Variants in SNAPC3 observed in about 807,000 individuals in gnomAD.
SNAPC3 encodes snRNA-activating protein complex subunit 3.
Under a neutral mutation model 47.7 loss-of-function variants are expected in SNAPC3, and 56 were observed. The observed-to-expected ratio is 1.18, with a 90% confidence interval of 0.95 to 1.47. The LOEUF (loss-of-function observed/expected upper bound fraction) is 1.47. Among genes scored for constraint, SNAPC3 ranks in the 40% most tolerant of loss-of-function variants. The pLI is 0.00. For missense variants in SNAPC3, 665 were observed against 511.3 expected (o/e 1.30, Z -2.90); for synonymous variants, 235 against 189.9 (o/e 1.24, Z -1.95).
At chr9:15,445,919 A>G (rs992849846) in intron 4 of SNAPC3, among the ~76,000 whole-genome samples, 2 of 152,140 alleles carry the variant, frequency 1.3e-5, no homozygotes, top group Non-Finnish European at 2.9e-5. Flanking sequence ...CTAGGTGACA[A>G]AATGAGACTG....
intron 3 of SNAPC3, among the ~76,000 whole-genome samples, chr9:15,434,190 A>G (rs1490831651): frequency 6.6e-6 from 1 of 152,190 alleles, no homozygotes; most frequent in Non-Finnish European, 1.5e-5. Context: ...AAAGTGTTCA[A>G]TTAAGTGGCA....
chr9:15,446,471 T>C (rs1443193239), intron 4 of SNAPC3, among the ~76,000 whole-genome samples: 1 of 152,096 alleles, frequency 6.6e-6, no homozygotes, highest in Non-Finnish European at 1.5e-5. Context: ...CCTCCCAAAG[T>C]GTTGGGATTA....
At chr9:15,429,831 T>C (rs1261514449) in intron 2 of SNAPC3, among the ~76,000 whole-genome samples, 2 of 152,044 alleles carry the variant, frequency 1.3e-5, no homozygotes, top group Non-Finnish European at 2.9e-5. Context: ...AAAACAAAAA[T>C]CTTGGGATGA....
At chr9:15,437,222 T>C (rs927137495) in intron 3 of SNAPC3, among the ~76,000 whole-genome samples, 1 of 152,082 alleles carries the variant, frequency 6.6e-6, no homozygotes, top group Non-Finnish European at 1.5e-5. Flanking sequence ...CTATTGTAAG[T>C]GAAATTGTTT....
intron 3 of SNAPC3, among the ~76,000 whole-genome samples, chr9:15,439,028 G>A (rs940004388): frequency 1.3e-5 from 2 of 152,036 alleles, no homozygotes; most frequent in African/African-American, 4.8e-5. Flanking sequence ...TATGTTTTTT[G>A]AGATAGGGTC....
chr9:15,456,053 T>C (rs1420803463), intron 7 of SNAPC3, among the ~76,000 whole-genome samples: 1 of 152,188 alleles, frequency 6.6e-6, no homozygotes, highest in Non-Finnish European at 1.5e-5. Context: ...TTTGTATTTT[T>C]AGTAGAGACA....
intron 5 of SNAPC3, among the ~76,000 whole-genome samples, chr9:15,450,784 C>T (rs2034327609): frequency 6.6e-6 from 1 of 152,164 alleles, no homozygotes; most frequent in Non-Finnish European, 1.5e-5. Context: ...AGAGCCACTC[C>T]TTTGACGGAC....
chr9:15,451,970 TA>T (rs55822827), intron 6 of SNAPC3, among the ~76,000 whole-genome samples: 122,020 of 150,194 alleles, frequency 0.81, 50,621 homozygotes, highest in Non-Finnish European at 0.91. Flanking sequence ...TTGCCCTTTT[TA>T]AAAAAAAAAA....
chr9:15,453,202 T>TA lies in SNAPC3; in HGVS notation c.979dup (p.Arg327LysfsTer6). The TA allele has an allele frequency of 6.2e-7, 1 of 1,609,810 alleles. No homozygotes were observed. Among genetic ancestry groups the TA allele is most frequent in the East Asian group, 2.2e-5 (1 of 44,758 alleles). ...GAACATGTCATTGTCATTACTGACA[T>TA]AAGGTAGGTGACAGCACTTAAGACA... On this transcript the variant is annotated frameshift_variant, in exon 7 of 9. Coordinates refer to ENST00000380821, the MANE Select transcript of SNAPC3 (RefSeq NM_001039697.2). LOFTEE classifies it high-confidence loss of function.
At chr9:15,428,978 A>G (rs1172731232) in intron 2 of SNAPC3, among the ~76,000 whole-genome samples, 2 of 152,184 alleles carry the variant, frequency 1.3e-5, no homozygotes, top group Non-Finnish European at 2.9e-5. Context: ...TTGAAAAAAA[A>G]ACTAAATCTA....
rs1270328014 is a variant in SNAPC3 at position 15,423,897 on chromosome 9, T to A, written c.315-12T>A. ...GTCGACCTTAAAGTATTGCTTTTCC[T>A]TTTTGTTTTAGCCTTGATAAACTGA... On this transcript the variant is annotated splice_polypyrimidine_tract_variant and intron_variant, in intron 1 of 8. Transcript: ENST00000380821. 1 of 1,533,316 alleles carries A rather than the reference T, an allele frequency of 6.5e-7. No individual in the cohort carries two copies. The highest frequency in any genetic ancestry group is 2.4e-5 in the East Asian group (1 of 40,834). The allele number at this position is 1,533,316 out of a possible 1,614,324, so 95.0% of individuals were successfully genotyped here. A position where few individuals can be genotyped will look rare whatever the true frequency, so the allele number is the denominator to read the frequency against.
At position 15,423,043 on chromosome 9, in the gene SNAPC3, T is replaced by A; in HGVS notation, c.164T>A (p.Leu55Gln). Residue 55 changes from leucine to glutamine, a missense_variant, in exon 1 of 9, where the codon CTG (leucine) becomes CAG (glutamine). Leu to Gln is a moderately radical substitution (Grantham distance 113, BLOSUM62 -2). Coordinates refer to ENST00000380821, the MANE Select transcript of SNAPC3 (RefSeq NM_001039697.2). The stretch of plus-strand genomic sequence containing the variant: ...TTTGGGGAGCTGTGGCGGGGCCGTC[T>A]GCGCGGGGCCGGGGACTTGTCGCTG... ...GAFGELWRGR[L>Q]RGAGDLSLRE... 6.6e-7 allele frequency: 1 copy of A among 1,517,716 alleles called. No homozygotes were observed. The highest frequency in any genetic ancestry group is 8.8e-7 in the Non-Finnish European group (1 of 1,139,332). The allele number at this position is 1,517,716 out of a possible 1,614,324, so 94.0% of individuals were successfully genotyped here.
chr9:15,453,140 G>A lies in SNAPC3; in HGVS notation c.915G>A (p.Leu305=), dbSNP rs34346482. The change falls in exon 7 of 9, where the codon CTG becomes CTA. Residue 305 remains leucine, a synonymous_variant. Transcript: ENST00000380821. ...DFTFNDLCIK[L]GFPYLYCHQG... ...CCTTCAATGACTTGTGTATTAAACT[G>A]GGTTTTCCTTACTTATACTGTCATC... 12,894 of 1,613,124 alleles carry A rather than the reference G, an allele frequency of 8.0e-3. 914 individuals are homozygous for A. In the African/African-American group the frequency reaches 0.15, roughly 19 times the overall value.
At chr9:15,434,836 G>A (rs1419034641) in intron 3 of SNAPC3, among the ~76,000 whole-genome samples, 8 of 152,070 alleles carry the variant, frequency 5.3e-5, no homozygotes, top group East Asian at 1.9e-4. Flanking sequence ...CTATTTATCC[G>A]TTGATAGACA....
At chr9:15,429,746 A>G (rs1485219155) in intron 2 of SNAPC3, among the ~76,000 whole-genome samples, 1 of 152,192 alleles carries the variant, frequency 6.6e-6, no homozygotes, top group Admixed American at 6.5e-5. Context: ...TAATTAGAAA[A>G]TATTGTGATA....
intron 3 of SNAPC3, among the ~76,000 whole-genome samples, chr9:15,440,721 G>T (rs528674425): frequency 6.6e-6 from 1 of 151,880 alleles, no homozygotes; most frequent in African/African-American, 2.4e-5. Flanking sequence ...AGGCCGAGGC[G>T]GGCGGATCAC....
At chr9:15,449,563 A>ATATAT (rs1481688749) in intron 5 of SNAPC3, among the ~76,000 whole-genome samples, 19 of 39,508 alleles carry the variant, frequency 4.8e-4, no homozygotes, top group African/African-American at 1.8e-3. Context: ...ATATATATAT[A>ATATAT]TTTTTTTTTT....
At position 15,457,955 on chromosome 9, in the gene SNAPC3, A is replaced by C. The variant is rs199787791; in HGVS notation, c.981-5A>C. The C allele has an allele frequency of 6.4e-7, 1 of 1,551,092 alleles. No individual in the cohort carries two copies. Among genetic ancestry groups the C allele is most frequent in the Non-Finnish European group, 8.7e-7 (1 of 1,144,574 alleles). ...TTAATATCTTTATTTTCCCACGAAC[A>C]AAAGGCTTGTGCATCATGATGACTG... On this transcript the variant is annotated splice_region_variant and splice_polypyrimidine_tract_variant and intron_variant, in intron 7 of 8. Transcript: ENST00000380821.
At chr9:15,452,843 A>G (rs1410525877) in intron 6 of SNAPC3, among the ~76,000 whole-genome samples, 198 bp from the exon 7 acceptor site, 1 of 152,248 alleles carries the variant, frequency 6.6e-6, no homozygotes, top group Non-Finnish European at 1.5e-5. Context: ...TGTAACCTGC[A>G]GAAAACTGAT....
Sources: gnomAD v4.1 joint callset for allele counts (sites outside exome capture counted in the v4.1 genomes callset) on GRCh38, gnomAD v4.1.1 for gene constraint, MANE v1.5 for transcripts, NCBI Gene and HGNC (gene_info 2026-07-23, HGNC 2026-07-21) for gene names.